Variants in LRRC4C observed in about 807,000 individuals in gnomAD.
LRRC4C encodes the protein leucine-rich repeat-containing protein 4C.
A neutral mutation model predicts 33.6 loss-of-function variants in LRRC4C; 5 were observed. That is an observed-to-expected ratio of 0.15 (90% CI 0.08 to 0.31). The LOEUF (loss-of-function observed/expected upper bound fraction) is 0.31, where lower values mean the gene tolerates loss of function less well. Among genes scored for constraint, LRRC4C ranks in the 10% least tolerant of loss-of-function variants. LRRC4C has a pLI of 1.00. For missense variants in LRRC4C, 560 were observed against 796.7 expected, an observed-to-expected ratio of 0.70 and a Z score of 3.58; for synonymous variants, 329 against 302.0, an observed-to-expected ratio of 1.09 and a Z score of -0.93.
chr11:40,517,780 C>T (rs1955631116), intron 3 of LRRC4C, among the ~76,000 whole-genome samples: 1 of 151,676 alleles, frequency 6.6e-6, no homozygotes, highest in Non-Finnish European at 1.5e-5. Flanking sequence ...CATATGGTAC[C>T]AAAAAAGAGC....
intron 3 of LRRC4C, among the ~76,000 whole-genome samples, chr11:40,529,225 T>C (rs796432837): frequency 1.8e-4 from 28 of 152,162 alleles, no homozygotes; most frequent in African/African-American, 6.0e-4. Flanking sequence ...TATATTTCTA[T>C]TAACTTGACT....
At chr11:41,130,959 G>T (rs773866652) in intron 1 of LRRC4C, among the ~76,000 whole-genome samples, 13 of 151,822 alleles carry the variant, frequency 8.6e-5, no homozygotes, top group Non-Finnish European at 1.9e-4. Context: ...TTTTTTTGCA[G>T]GTATATTTCT....
chr11:40,460,786 A>C (rs540004597), intron 3 of LRRC4C, among the ~76,000 whole-genome samples: 1 of 152,174 alleles, frequency 6.6e-6, no homozygotes, highest in African/African-American at 2.4e-5. Flanking sequence ...CTAAAACACC[A>C]TGAGGCATAT....
At chr11:40,804,764 TA>T (rs1167973244) in intron 2 of LRRC4C, among the ~76,000 whole-genome samples, 1 of 152,204 alleles carries the variant, frequency 6.6e-6, no homozygotes, top group Non-Finnish European at 1.5e-5. Flanking sequence ...GACTTGAAAT[TA>T]TTTTTTTTTC....
chr11:40,901,999 T>TACACACAC (rs369525560), intron 2 of LRRC4C, among the ~76,000 whole-genome samples: 62 of 139,836 alleles, frequency 4.4e-4, no homozygotes, highest in East Asian at 1.9e-3. Context: ...TCTCTCTCTC[T>TACACACAC]ACACACACAC....
chr11:40,288,846 T>C (rs1323151191), intron 4 of LRRC4C, among the ~76,000 whole-genome samples: 1 of 152,186 alleles, frequency 6.6e-6, no homozygotes, highest in Non-Finnish European at 1.5e-5. Context: ...GCATAGACAT[T>C]TGCCTTTATT....
At chr11:40,359,524 A>G (rs1947850335) in intron 3 of LRRC4C, among the ~76,000 whole-genome samples, 1 of 152,208 alleles carries the variant, frequency 6.6e-6, no homozygotes, top group South Asian at 2.1e-4. Context: ...TATACAAAAC[A>G]TCACAATGCT....
At chr11:40,262,480 G>A (rs1308293441) in intron 4 of LRRC4C, among the ~76,000 whole-genome samples, 1 of 152,108 alleles carries the variant, frequency 6.6e-6, no homozygotes, top group Non-Finnish European at 1.5e-5. Context: ...TCCCATTACT[G>A]GGTATATACC....
At chr11:41,436,139 G>T (rs542210244) in intron 1 of LRRC4C, among the ~76,000 whole-genome samples, 93 of 152,336 alleles carry the variant, frequency 6.1e-4, no homozygotes, top group African/African-American at 2.1e-3. Flanking sequence ...AGGAGGTGGA[G>T]GTTGCAGTGA....
chr11:40,613,301 A>G (rs1455019561), intron 3 of LRRC4C, among the ~76,000 whole-genome samples: 8 of 151,916 alleles, frequency 5.3e-5, no homozygotes. Context: ...CTAAGTTTAC[A>G]TAATATTCTA....
chr11:40,259,516 G>C (rs1419017586), intron 4 of LRRC4C, among the ~76,000 whole-genome samples: 1 of 151,796 alleles, frequency 6.6e-6, no homozygotes, highest in African/African-American at 2.4e-5. Flanking sequence ...TAATGCCTAG[G>C]TTTTCTTCTA....
intron 2 of LRRC4C, among the ~76,000 whole-genome samples, chr11:40,662,926 T>A (rs181560833): frequency 7.2e-5 from 11 of 152,290 alleles, no homozygotes; most frequent in African/African-American, 2.6e-4. Context: ...GAAATAGTAG[T>A]AGTGGTGTGG....
At chr11:40,197,754 G>C (rs969706995) in intron 5 of LRRC4C, among the ~76,000 whole-genome samples, 1 of 152,128 alleles carries the variant, frequency 6.6e-6, no homozygotes, top group African/African-American at 2.4e-5. Context: ...TGCTAGGAGA[G>C]TATGTTTTAT....
intron 1 of LRRC4C, among the ~76,000 whole-genome samples, chr11:41,069,621 C>G (rs571651011): frequency 6.6e-6 from 1 of 152,130 alleles, no homozygotes; most frequent in Admixed American, 6.5e-5. Context: ...TACCTACCAA[C>G]AATACACAAG....
At chr11:41,044,056 T>C (rs1350343576) in intron 1 of LRRC4C, among the ~76,000 whole-genome samples, 2 of 152,252 alleles carry the variant, frequency 1.3e-5, no homozygotes, top group Admixed American at 6.5e-5. Context: ...GATTCCTGAA[T>C]TTTGATAATC....
chr11:40,826,560 T>TA (rs1157486427), intron 2 of LRRC4C, among the ~76,000 whole-genome samples: 2 of 151,874 alleles, frequency 1.3e-5, no homozygotes, highest in African/African-American at 4.8e-5. Context: ...TGAAACCACC[T>TA]AAAAGTCATT....
At chr11:40,693,978 G>T (rs1945357179) in intron 2 of LRRC4C, among the ~76,000 whole-genome samples, 1 of 152,078 alleles carries the variant, frequency 6.6e-6, no homozygotes, top group Admixed American at 6.6e-5. Flanking sequence ...GCCCTGCGGG[G>T]TGTAAACTGC....
At chr11:40,464,234 A>C (rs1030484648) in intron 3 of LRRC4C, among the ~76,000 whole-genome samples, 3 of 152,090 alleles carry the variant, frequency 2.0e-5, no homozygotes, top group Admixed American at 2.0e-4. Context: ...AAAACCATAC[A>C]ATCATTTCAA....
At chr11:41,146,016 A>T (rs1943714566) in intron 1 of LRRC4C, among the ~76,000 whole-genome samples, 1 of 152,190 alleles carries the variant, frequency 6.6e-6, no homozygotes, top group Admixed American at 6.6e-5. Flanking sequence ...TACGCTAAAA[A>T]ACTTCAGGAA....
Sources: gnomAD v4.1 joint callset for allele counts (sites outside exome capture counted in the v4.1 genomes callset) on GRCh38, gnomAD v4.1.1 for gene constraint, MANE v1.5 for transcripts, NCBI Gene and HGNC (gene_info 2026-07-23, HGNC 2026-07-21) for gene names.